The following ROR2 variants were observed in gnomAD, a reference collection of about 807,000 sequenced individuals.
ROR2 encodes the protein tyrosine-protein kinase transmembrane receptor ROR2.
In ROR2, 33 loss-of-function variants were observed where a neutral mutation model predicts 74.9. The observed-to-expected ratio is 0.44, with a 90% CI of 0.33 to 0.59. The LOEUF (loss-of-function observed/expected upper bound fraction) is 0.59. Ranked by LOEUF, ROR2 falls within the 20% of genes least tolerant of loss-of-function variation. The pLI is 0.02. For missense variants in ROR2, 1,216 were observed against 1,313.8 expected (o/e 0.93, Z 1.15); for synonymous variants, 586 against 558.7 (o/e 1.05, Z -0.69).
intron 4 of ROR2, among the ~76,000 whole-genome samples, chr9:91,742,181 G>A (rs774362081): frequency 2.5e-4 from 38 of 152,182 alleles, no homozygotes; most frequent in Non-Finnish European, 4.6e-4. Flanking sequence ...AGAAGCAAAA[G>A]TGGAAACCCC....
rs573161862 is a variant in ROR2, at chr9:91,744,002, A to G, written c.495-6484T>C. 9.7e-4 allele frequency among the ~76,000 whole-genome samples: 148 copies of G among 152,330 alleles called. 1 individual carries two copies. Among genetic ancestry groups the G allele is most frequent in the African/African-American group, 3.5e-3 (145 of 41,576 alleles). On this transcript the variant is annotated intron_variant, in intron 4 of 8. Coordinates refer to ENST00000375708, the MANE Select transcript of ROR2 (RefSeq NM_004560.4). ...ACATTCATACAACAGAATACTTCTC[A>G]ATAAACAGGAATGAAGTGCTGTATA...
chr9:91,941,055 T>C (rs1475406309), intron 1 of ROR2, among the ~76,000 whole-genome samples: 2 of 147,880 alleles, frequency 1.4e-5, no homozygotes, highest in African/African-American at 5.0e-5. Context: ...CAGACTGCCA[T>C]GGCGCTATCT....
chr9:91,874,003 G>A (rs1322982892), intron 1 of ROR2, among the ~76,000 whole-genome samples: 1 of 152,144 alleles, frequency 6.6e-6, no homozygotes, highest in African/African-American at 2.4e-5. Flanking sequence ...TGGGGGAGTT[G>A]GGCTTCTTTT....
chr9:91,814,119 T>A (rs1587744514), intron 1 of ROR2, among the ~76,000 whole-genome samples: 1 of 151,970 alleles, frequency 6.6e-6, no homozygotes, highest in African/African-American at 2.4e-5. Context: ...GGCTGGGAGG[T>A]CGAGGTTGCA....
At chr9:91,771,659 T>C (rs549125575) in intron 2 of ROR2, among the ~76,000 whole-genome samples, 1 of 152,328 alleles carries the variant, frequency 6.6e-6, no homozygotes, top group South Asian at 2.1e-4. Flanking sequence ...GCTCATTTTC[T>C]CTATATAGGC....
At chr9:91,892,052 G>GAA (rs74312809) in intron 1 of ROR2, among the ~76,000 whole-genome samples, 11,145 of 70,854 alleles carry the variant, frequency 0.16, 918 homozygotes, top group Middle Eastern at 0.33. Flanking sequence ...TGTCTAAGAA[G>GAA]AAAAAAAAAA....
chr9:91,936,261 A>G (rs1441654944), intron 1 of ROR2, among the ~76,000 whole-genome samples: 1 of 152,242 alleles, frequency 6.6e-6, no homozygotes, highest in Admixed American at 6.5e-5. Context: ...TAAGCACCAC[A>G]AACTGGGCAG....
intron 8 of ROR2, among the ~76,000 whole-genome samples, chr9:91,726,315 C>T (rs1213640309): frequency 6.6e-6 from 1 of 152,042 alleles, no homozygotes; most frequent in East Asian, 1.9e-4. Flanking sequence ...AGAAGGAGGC[C>T]CATGGACTCT....
intron 1 of ROR2, among the ~76,000 whole-genome samples, chr9:91,859,293 C>G (rs1829396940): frequency 6.6e-6 from 1 of 151,052 alleles, no homozygotes; most frequent in South Asian, 2.1e-4. Context: ...CCACAGCCTC[C>G]CGGGTTCAAG....
rs151086484 is a variant in ROR2 at position 91,750,870 on chromosome 9, C to T, written c.494+5201G>A. Among the ~76,000 whole-genome samples, 1,188 of 152,134 alleles carry T rather than the reference C, an allele frequency of 7.8e-3. 5 individuals carry two copies. The highest frequency in any genetic ancestry group is 0.013 in the Non-Finnish European group (898 of 67,992). On this transcript the variant is annotated intron_variant, in intron 4 of 8. Transcript: ENST00000375708. The stretch of plus-strand genomic sequence containing the variant: ...ACAGGCAATGCAATGGCTTTTAGAA[C>T]GACAAAATGATGTTCAACCTCACTA...
At chr9:91,914,883 T>C (rs1442874364) in intron 1 of ROR2, among the ~76,000 whole-genome samples, 3 of 152,206 alleles carry the variant, frequency 2.0e-5, no homozygotes, top group Non-Finnish European at 1.5e-5. Flanking sequence ...TCCTAAATTC[T>C]GGATTAAACG....
intron 4 of ROR2, among the ~76,000 whole-genome samples, chr9:91,746,242 A>C (rs1394309083): frequency 6.6e-6 from 1 of 151,752 alleles, no homozygotes; most frequent in East Asian, 1.9e-4. Context: ...ACGCCTGGCT[A>C]ATGTTTGTAT....
At chr9:91,778,294 C>T (rs1225834055) in intron 1 of ROR2, among the ~76,000 whole-genome samples, 1 of 152,228 alleles carries the variant, frequency 6.6e-6, no homozygotes, top group South Asian at 2.1e-4. Context: ...CGTTCCTGAC[C>T]GAATGACTTT....
intron 4 of ROR2, among the ~76,000 whole-genome samples, chr9:91,746,706 T>G (rs1825431285): frequency 6.6e-6 from 1 of 152,192 alleles, no homozygotes; most frequent in Non-Finnish European, 1.5e-5. Context: ...CACAAACATC[T>G]GGATGGAGAA....
chr9:91,885,006 C>T (rs927004842), intron 1 of ROR2, among the ~76,000 whole-genome samples: 1 of 152,144 alleles, frequency 6.6e-6, no homozygotes, highest in Non-Finnish European at 1.5e-5. Flanking sequence ...GAACTTAAAG[C>T]CTCGCGAACT....
intron 2 of ROR2, among the ~76,000 whole-genome samples, chr9:91,768,720 C>T (rs530609174): frequency 3.9e-5 from 6 of 152,246 alleles, no homozygotes; most frequent in East Asian, 1.9e-4. Flanking sequence ...GGCAGGAAGC[C>T]GCTGTGGGTC....
At chr9:91,856,718 G>A (rs1829300105) in intron 1 of ROR2, among the ~76,000 whole-genome samples, 1 of 152,208 alleles carries the variant, frequency 6.6e-6, no homozygotes, top group African/African-American at 2.4e-5. Flanking sequence ...TGCCCAGTCT[G>A]GGGTACTTAC....
intron 3 of ROR2, among the ~76,000 whole-genome samples, chr9:91,756,706 T>TA (rs1265962852): frequency 2.7e-5 from 4 of 150,590 alleles, no homozygotes; most frequent in Non-Finnish European, 4.4e-5. Context: ...TCCAGGTCCA[T>TA]AAACCTCTCC....
At chr9:91,914,534 T>C (rs1343497476) in intron 1 of ROR2, among the ~76,000 whole-genome samples, 1 of 152,166 alleles carries the variant, frequency 6.6e-6, no homozygotes, top group African/African-American at 2.4e-5. Context: ...GTGAATGAGC[T>C]TTCCATCCTC....
Sources: gnomAD v4.1 joint callset for allele counts (sites outside exome capture counted in the v4.1 genomes callset) on GRCh38, gnomAD v4.1.1 for gene constraint, MANE v1.5 for transcripts, NCBI Gene and HGNC (gene_info 2026-07-23, HGNC 2026-07-21) for gene names.